NCAM2: variants seen among roughly 807,000 people sequenced by gnomAD.
The protein encoded by NCAM2 is neural cell adhesion molecule 2.
A neutral mutation model predicts 98.1 loss-of-function variants in NCAM2; 30 were observed. That is an observed-to-expected ratio of 0.31 (90% CI 0.23 to 0.41). The LOEUF (loss-of-function observed/expected upper bound fraction) is 0.41, where lower values mean the gene tolerates loss of function less well. Ranked by LOEUF, NCAM2 falls within the 10% of genes least tolerant of loss-of-function variation. The pLI, the probability that NCAM2 is intolerant of heterozygous loss-of-function variation, is 1.00. For synonymous variants in NCAM2, 368 were observed against 342.4 expected, an observed-to-expected ratio of 1.07 and a Z score of -0.83; for missense variants, 867 against 1,005.8, an observed-to-expected ratio of 0.86 and a Z score of 1.87.
rs569755411 is a variant in NCAM2, at chr21:21,217,441, T to G, written c.56-63137T>G. On this transcript the variant is annotated intron_variant, in intron 1 of 17. Transcript: ENST00000400546. ...GGGTATACATTTTTATTTCTCAGAT[T>G]TACTTAATTATGTCTCTGTTGCAGA... Among the ~76,000 whole-genome samples, 14 of 152,254 alleles carry G rather than the reference T, an allele frequency of 9.2e-5. No individual in the cohort carries two copies. In the South Asian group the frequency reaches 2.9e-3, roughly 32 times the overall value.
chr21:21,273,197 A>G (rs2072594425), intron 1 of NCAM2, among the ~76,000 whole-genome samples: 1 of 152,200 alleles, frequency 6.6e-6, no homozygotes, highest in Non-Finnish European at 1.5e-5. Flanking sequence ...TCTCTAAAAC[A>G]AGATTGAAAT....
chr21:21,535,443 T>G (rs900186921), intron 17 of NCAM2, among the ~76,000 whole-genome samples: 2 of 152,118 alleles, frequency 1.3e-5, no homozygotes, highest in African/African-American at 4.8e-5. Context: ...CACCTAATAT[T>G]TTCTTGCAGA....
intron 5 of NCAM2, among the ~76,000 whole-genome samples, chr21:21,319,030 C>CT (rs1292220092): frequency 1.3e-5 from 2 of 152,062 alleles, no homozygotes; most frequent in Admixed American, 6.6e-5. Flanking sequence ...AGGAGTACTG[C>CT]TTGAGCCCAA....
intron 12 of NCAM2, among the ~76,000 whole-genome samples, chr21:21,447,810 T>A (rs1980416808): frequency 6.6e-6 from 1 of 152,094 alleles, no homozygotes; most frequent in African/African-American, 2.4e-5. Context: ...ACATCACTGA[T>A]CATTAGAGAA....
chr21:21,264,907 T>TAC (rs139433151), intron 1 of NCAM2, among the ~76,000 whole-genome samples: 94,702 of 112,540 alleles, frequency 0.84, 40,464 homozygotes, highest in East Asian at 0.99. Context: ...TGTATATATA[T>TAC]ACACATATAT....
At chr21:21,344,747 C>G (rs897555948) in intron 8 of NCAM2, among the ~76,000 whole-genome samples, 1 of 152,146 alleles carries the variant, frequency 6.6e-6, no homozygotes, top group South Asian at 2.1e-4. Context: ...GGCTTTGCCT[C>G]CTGCTGATTG....
At chr21:21,265,068 GTA>G (rs778368224) in intron 1 of NCAM2, among the ~76,000 whole-genome samples, 5,407 of 48,578 alleles carry the variant, frequency 0.11, 305 homozygotes, top group Non-Finnish European at 0.17. Flanking sequence ...ATGTGTATGT[GTA>G]TATATATACA....
At chr21:21,426,453 A>T (rs562125700) in intron 11 of NCAM2, among the ~76,000 whole-genome samples, 1 of 152,302 alleles carries the variant, frequency 6.6e-6, no homozygotes, top group East Asian at 1.9e-4. Context: ...CTGATTTATG[A>T]TAAAGAACAA....
intron 5 of NCAM2, among the ~76,000 whole-genome samples, chr21:21,294,855 A>G (rs1017305162): frequency 3.3e-5 from 5 of 151,616 alleles, no homozygotes; most frequent in Admixed American, 6.6e-5. Flanking sequence ...CTCTTTTATA[A>G]AACTGCTTAA....
intron 1 of NCAM2, among the ~76,000 whole-genome samples, chr21:21,004,017 A>G (rs1454359482): frequency 6.6e-6 from 1 of 152,144 alleles, no homozygotes; most frequent in African/African-American, 2.4e-5. Context: ...GGTGTTAAAC[A>G]CCAAGAGGCT....
At chr21:21,283,093 A>G (rs561496694) in intron 2 of NCAM2, among the ~76,000 whole-genome samples, 119 of 152,050 alleles carry the variant, frequency 7.8e-4, no homozygotes, top group Non-Finnish European at 1.1e-3. Flanking sequence ...CTCTGTAACA[A>G]CTATGGTTTT....
intron 1 of NCAM2, among the ~76,000 whole-genome samples, chr21:21,160,534 T>C (rs2067751486): frequency 6.6e-6 from 1 of 152,002 alleles, no homozygotes; most frequent in African/African-American, 2.4e-5. Flanking sequence ...TGAAAAAGCT[T>C]AAAATTAATT....
chr21:21,365,365 C>G (rs141656298), intron 8 of NCAM2, among the ~76,000 whole-genome samples: 4 of 151,630 alleles, frequency 2.6e-5, no homozygotes, highest in Middle Eastern at 3.2e-3. Flanking sequence ...AAAAGTTGTT[C>G]CCAACTCACC....
chr21:21,203,205 C>T (rs535703873), intron 1 of NCAM2, among the ~76,000 whole-genome samples: 19 of 152,224 alleles, frequency 1.2e-4, no homozygotes, highest in African/African-American at 2.4e-4. Context: ...GAAGGACTCC[C>T]GTGTAAGAGG....
intron 6 of NCAM2, among the ~76,000 whole-genome samples, chr21:21,330,939 A>G (rs900470181): frequency 7.2e-5 from 11 of 152,082 alleles, no homozygotes; most frequent in Non-Finnish European, 1.2e-4. Flanking sequence ...TTTTAATCCC[A>G]TCAGAGTATT....
intron 1 of NCAM2, among the ~76,000 whole-genome samples, chr21:21,131,962 A>G (rs1363215958): frequency 6.6e-6 from 1 of 152,218 alleles, no homozygotes; most frequent in Non-Finnish European, 1.5e-5. Flanking sequence ...AACCACACAA[A>G]TATATTATTT....
chr21:21,461,517 A>G (rs570952689), intron 12 of NCAM2, among the ~76,000 whole-genome samples: 4 of 151,932 alleles, frequency 2.6e-5, no homozygotes, highest in African/African-American at 7.2e-5. Flanking sequence ...TGCCATCAAC[A>G]TATTGTTTTG....
chr21:21,160,468 A>G (rs1041651568), intron 1 of NCAM2, among the ~76,000 whole-genome samples: 4 of 152,030 alleles, frequency 2.6e-5, no homozygotes, highest in South Asian at 4.1e-4. Context: ...AAAGAGTAAT[A>G]TTTATTTATT....
intron 1 of NCAM2, among the ~76,000 whole-genome samples, chr21:21,240,009 A>G (rs2147232110): frequency 6.6e-6 from 1 of 151,982 alleles, no homozygotes; most frequent in Non-Finnish European, 1.5e-5. Context: ...CTGTCTCTTA[A>G]GCTTATACAC....
Sources: allele counts gnomAD v4.1 joint callset (sites outside exome capture counted in the v4.1 genomes callset), GRCh38; gene constraint gnomAD v4.1.1; transcripts MANE v1.5; gene names NCBI Gene and HGNC (gene_info 2026-07-23, HGNC 2026-07-21).